Variants in FER observed in about 807,000 individuals in gnomAD.
The protein encoded by FER is tyrosine-protein kinase Fer.
In FER, 63 loss-of-function variants were observed where a neutral mutation model predicts 111.0. The observed-to-expected ratio is 0.57, with a 90% CI of 0.46 to 0.70. FER has a LOEUF of 0.70. FER is among the 30% of genes least tolerant of loss of function. FER has a pLI of 0.00. For missense variants in FER, 914 were observed against 954.0 expected, an observed-to-expected ratio of 0.96 and a Z score of 0.55; for synonymous variants, 327 against 313.9, an observed-to-expected ratio of 1.04 and a Z score of -0.44.
intron 13 of FER, among the ~76,000 whole-genome samples, chr5:108,969,151 A>G (rs1020514129): frequency 1.9e-4 from 29 of 152,148 alleles, no homozygotes; most frequent in Non-Finnish European, 3.1e-4. Flanking sequence ...TGTAAAATGT[A>G]TATATCTTTG....
At chr5:108,976,363 C>T (rs1761337286) in intron 13 of FER, among the ~76,000 whole-genome samples, 1 of 152,078 alleles carries the variant, frequency 6.6e-6, no homozygotes, top group South Asian at 2.1e-4. Context: ...ACTTATGATA[C>T]TTCTTTTGCT....
In FER at chr5:109,193,819, C is replaced by T. The variant is rs1361278645; in HGVS notation, c.*6244C>T. The T allele has an allele frequency of 6.6e-6, 1 of 152,116 alleles. No individual in the cohort carries two copies. The highest frequency in any genetic ancestry group is 2.4e-5 in the African/African-American group (1 of 41,408). 9.4% of individuals were successfully genotyped at this position (152,116 alleles called of 1,614,324 possible). ...TTCAATCAAAGTTTCTCCTCAGGTA[C>T]TTGGGGGCCCCTAGCCTTCTAAGGA... On this transcript the variant is annotated 3_prime_UTR_variant, in exon 20 of 20. Coordinates refer to ENST00000281092, the MANE Select transcript of FER (RefSeq NM_005246.4).
chr5:108,952,833 A>G (rs981988611), intron 11 of FER, among the ~76,000 whole-genome samples: 20 of 152,074 alleles, frequency 1.3e-4, no homozygotes, highest in Admixed American at 1.2e-3. Context: ...TTGGAAATAA[A>G]TGCAAATTTG....
intron 3 of FER, among the ~76,000 whole-genome samples, chr5:108,806,438 G>A (rs982682624): frequency 2.0e-5 from 3 of 152,208 alleles, no homozygotes; most frequent in Admixed American, 6.5e-5. Flanking sequence ...GAGGGCTACC[G>A]TCCTCCAGAC....
At chr5:109,047,394 A>C (rs1310227435) in intron 16 of FER, among the ~76,000 whole-genome samples, 196 bp downstream of exon 16, 2 of 152,178 alleles carry the variant, frequency 1.3e-5, no homozygotes, top group African/African-American at 4.8e-5. Context: ...AGAAAATGTC[A>C]ACTGCTTTTT....
chr5:108,997,700 G>T (rs1764178996), intron 13 of FER, among the ~76,000 whole-genome samples: 1 of 152,032 alleles, frequency 6.6e-6, no homozygotes, highest in Non-Finnish European at 1.5e-5. Context: ...ATCAGGCAGG[G>T]ACGGTTATGT....
At chr5:109,085,412 T>C (rs913310896) in intron 16 of FER, among the ~76,000 whole-genome samples, 2 of 151,742 alleles carry the variant, frequency 1.3e-5, no homozygotes, top group South Asian at 4.1e-4. Flanking sequence ...TGAGTTTGTA[T>C]TCTGTGACCT....
At chr5:108,904,788 T>C (rs913371554) in intron 10 of FER, among the ~76,000 whole-genome samples, 2 of 152,202 alleles carry the variant, frequency 1.3e-5, no homozygotes, top group East Asian at 1.9e-4. Flanking sequence ...CTGAGAACAA[T>C]GTCAGTTATA....
chr5:108,976,154 G>T (rs1761311215), intron 13 of FER, among the ~76,000 whole-genome samples: 1 of 152,246 alleles, frequency 6.6e-6, no homozygotes, highest in African/African-American at 2.4e-5. Context: ...TGGCAGAAGA[G>T]GAGGCTCCAT....
chr5:108,845,015 T>TATATATATATACATATATATATAC (rs1761792695), intron 5 of FER, among the ~76,000 whole-genome samples: 1 of 52,560 alleles, frequency 1.9e-5, no homozygotes, highest in Non-Finnish European at 3.7e-5. Context: ...TATATATATA[T>TATATATATATACATATATATATAC]ATATATATAT....
chr5:109,051,318 C>G, intron 16 of FER: 1 of 1,578,046 alleles, frequency 6.3e-7, no homozygotes, highest in South Asian at 1.1e-5. Flanking sequence ...GTATCTAGAT[C>G]TCCAGGTCAT....
chr5:108,868,986 G>T (rs971134634), intron 6 of FER, among the ~76,000 whole-genome samples: 1 of 151,966 alleles, frequency 6.6e-6, no homozygotes, highest in Non-Finnish European at 1.5e-5. Context: ...ATTTTTTTGT[G>T]TGAACATTTT....
intron 5 of FER, among the ~76,000 whole-genome samples, chr5:108,858,919 C>G (rs1456364556): frequency 1.3e-5 from 2 of 151,760 alleles, no homozygotes; most frequent in African/African-American, 2.4e-5. Context: ...ATATGTACTC[C>G]TACTATAAAT....
intron 14 of FER, among the ~76,000 whole-genome samples, chr5:109,043,421 A>T (rs1028654695): frequency 1.3e-5 from 2 of 152,210 alleles, no homozygotes; most frequent in Non-Finnish European, 2.9e-5. Flanking sequence ...TGAAAACATG[A>T]TTGATCATTG....
intron 5 of FER, chr5:108,843,071 C>G (rs1273118148): frequency 6.6e-6 from 1 of 152,196 alleles, no homozygotes; most frequent in Non-Finnish European, 1.5e-5. Flanking sequence ...GCTCCTGCCT[C>G]ACACTCTTCC....
intron 13 of FER, among the ~76,000 whole-genome samples, chr5:109,020,257 A>G (rs1287155157): frequency 6.6e-6 from 1 of 151,948 alleles, no homozygotes; most frequent in Non-Finnish European, 1.5e-5. Context: ...CAAGATCAGC[A>G]TTTTTAGAAT....
chr5:109,132,206 C>T (rs775180827), intron 17 of FER, among the ~76,000 whole-genome samples: 13 of 152,116 alleles, frequency 8.5e-5, no homozygotes, highest in South Asian at 2.1e-4. Flanking sequence ...AATAGGCAAC[C>T]GGTACTAAGC....
intron 10 of FER, among the ~76,000 whole-genome samples, chr5:108,910,288 A>G (rs944590148): frequency 6.6e-6 from 1 of 152,112 alleles, no homozygotes; most frequent in Non-Finnish European, 1.5e-5. Flanking sequence ...CTTCCTTCGA[A>G]CCTGCTCTCT....
chr5:108,980,527 C>CTTG (rs1761912469), intron 13 of FER, among the ~76,000 whole-genome samples: 1 of 152,104 alleles, frequency 6.6e-6, no homozygotes, highest in South Asian at 2.1e-4. Flanking sequence ...CTTACTATTT[C>CTTG]TTCAATGCCA....
Sources: allele counts gnomAD v4.1 joint callset (sites outside exome capture counted in the v4.1 genomes callset), GRCh38; gene constraint gnomAD v4.1.1; transcripts MANE v1.5; gene names NCBI Gene and HGNC (gene_info 2026-07-23, HGNC 2026-07-21).